RNF157: variants seen among roughly 807,000 people sequenced by gnomAD.
RNF157 encodes the protein ring finger protein 157.
A neutral mutation model predicts 88.3 loss-of-function variants in RNF157; 55 were observed. The observed-to-expected ratio is 0.62, with a 90% CI of 0.50 to 0.78. RNF157 has a LOEUF of 0.78. RNF157 is among the 30% of genes least tolerant of loss of function. The pLI, the probability that RNF157 is intolerant of heterozygous loss-of-function variation, is 0.00. For missense variants in RNF157, 788 were observed against 860.8 expected, an observed-to-expected ratio of 0.92 and a Z score of 1.06; for synonymous variants, 334 against 341.2, an observed-to-expected ratio of 0.98 and a Z score of 0.23.
At chr17:76,171,682 A>G (rs1324707858) in intron 3 of RNF157, among the ~76,000 whole-genome samples, 1 of 152,204 alleles carries the variant, frequency 6.6e-6, no homozygotes, top group Non-Finnish European at 1.5e-5. Flanking sequence ...CCCTTCTGTT[A>G]CCTTAATTTT....
At position 76,158,377 on chromosome 17, in the gene RNF157, G is replaced by C. The variant is rs542067859; in HGVS notation, c.1413+16C>G. The C allele has an allele frequency of 2.6e-6, 4 of 1,558,338 alleles. No homozygotes were observed. In the East Asian group the frequency reaches 6.7e-5, roughly 26 times the overall value. ...TGGAGTACAACACCCAAGAAGAGGA[G>C]AGGAATGTCAATTACCTCTCCGAGA... is the stretch of plus-strand genomic sequence containing the variant. On this transcript the variant is annotated intron_variant, in intron 13 of 18. Coordinates refer to ENST00000269391, the MANE Select transcript of RNF157 (RefSeq NM_052916.3).
At chr17:76,207,617 C>T (rs895081790) in intron 2 of RNF157, among the ~76,000 whole-genome samples, 3 of 152,230 alleles carry the variant, frequency 2.0e-5, no homozygotes, top group African/African-American at 7.2e-5. Context: ...TGCCCATATT[C>T]ACTCTCTCTG....
Position 76,156,283 on chromosome 17 carries a change from C to T in RNF157, c.1452G>A (p.Leu484=). The T allele has an allele frequency of 6.2e-7, 1 of 1,614,102 alleles. No individual in the cohort carries two copies. Among genetic ancestry groups the T allele is most frequent in the Admixed American group, 1.7e-5 (1 of 60,014 alleles). ...ACTGGTCAATAGCTCCAGATGACGACAAGGTGAGATTCTCACTTTCTGGAG... is the reference window on the plus strand; with the variant it reads ...ACTGGTCAATAGCTCCAGATGACGATAAGGTGAGATTCTCACTTTCTGGAG... ...GVTPESENLT[L]SSSGAIDQSS... The change falls in exon 14 of 19, where the codon TTG becomes TTA. Residue 484 remains leucine (L), a synonymous_variant. Coordinates refer to ENST00000269391, the MANE Select transcript of RNF157 (RefSeq NM_052916.3).
At position 76,159,383 on chromosome 17, in the gene RNF157, A is replaced by T; in HGVS notation, c.1256T>A (p.Leu419Gln). Residue 419 changes from leucine (L) to glutamine (Q), a missense_variant, in exon 12 of 19, where the codon CTG becomes CAG. Leu to Gln is a moderately radical substitution (Grantham distance 113, BLOSUM62 -2). Transcript: ENST00000269391. ...PVRTISPLDR[L>Q]SDSSSQGLKL... ...GAGTCCCTGACTGCTGCTGTCAGAC[A>T]GGCGGTCAAGAGGCGAGATCGTCCT... is the stretch of plus-strand genomic sequence containing the variant. 2 of 1,613,278 alleles carry T rather than the reference A, an allele frequency of 1.2e-6. No homozygotes were observed. The highest frequency in any genetic ancestry group is 1.7e-6 in the Non-Finnish European group (2 of 1,179,752).
intron 1 of RNF157, among the ~76,000 whole-genome samples, chr17:76,231,763 C>A (rs1379299349): frequency 6.6e-6 from 1 of 152,134 alleles, no homozygotes; most frequent in East Asian, 1.9e-4. Context: ...TTTTTAAGAG[C>A]TTTATTGAAG....
At chr17:76,203,290 C>T (rs1038226637) in intron 2 of RNF157, among the ~76,000 whole-genome samples, 6 of 152,152 alleles carry the variant, frequency 3.9e-5, no homozygotes, top group African/African-American at 1.4e-4. Flanking sequence ...CAGGTCCCGC[C>T]ATCATTTTTT....
rs191608780 is a variant in RNF157, at chr17:76,179,297, C to T, written c.208-5507G>A. On this transcript the variant is annotated intron_variant, in intron 2 of 18. Coordinates refer to ENST00000269391, the MANE Select transcript of RNF157 (RefSeq NM_052916.3). ...TAGTCCCAGCTACTCAGAAGGCTGA[C>T]GCAAGAGGATCACTTGAGCCCAGGA... Among the ~76,000 whole-genome samples, 1,076 of 151,528 alleles carry T rather than the reference C, an allele frequency of 7.1e-3. 10 individuals carry two copies. The highest frequency in any genetic ancestry group is 0.02 in the African/African-American group (844 of 41,288).
chr17:76,147,407 C>T, intron 18 of RNF157: 1 of 890,276 alleles, frequency 1.1e-6, no homozygotes. Context: ...ACCACCGCCG[C>T]CGCCACCACC....
intron 1 of RNF157, chr17:76,225,926 C>A: frequency 6.2e-7 from 1 of 1,613,126 alleles, no homozygotes; most frequent in Non-Finnish European, 8.5e-7. Flanking sequence ...CTGGCGGTAC[C>A]TAGTGGCTGC....
At position 76,162,641 on chromosome 17, in the gene RNF157, A is replaced by G. The variant is rs750024712; in HGVS notation, c.721-18T>C. Reference sequence around the variant, plus strand: ...CCGTCTACCTGAACAGCAAACAGAAAGGTTCAAGGACAGGCTGTCTCTACT... The same window carrying G: ...CCGTCTACCTGAACAGCAAACAGAAGGGTTCAAGGACAGGCTGTCTCTACT... On this transcript the variant is annotated intron_variant, in intron 8 of 18. Transcript: ENST00000269391. 3 of 1,598,106 alleles carry G rather than the reference A, an allele frequency of 1.9e-6. No homozygotes were observed. The highest frequency in any genetic ancestry group is 2.6e-6 in the Non-Finnish European group (3 of 1,168,400).
chr17:76,200,515 C>G (rs936092671), intron 2 of RNF157, among the ~76,000 whole-genome samples: 8 of 152,106 alleles, frequency 5.3e-5, no homozygotes, highest in African/African-American at 1.9e-4. Context: ...CTAGAGTAGT[C>G]AAACTCATAG....
chr17:76,174,768 T>C (rs1349016795), intron 2 of RNF157, among the ~76,000 whole-genome samples: 2 of 152,238 alleles, frequency 1.3e-5, no homozygotes, highest in Non-Finnish European at 2.9e-5. Flanking sequence ...AGTTAAACCA[T>C]AGTTAAGGTG....
In RNF157 at chr17:76,146,512, T is replaced by C; in HGVS notation, c.1922-1159A>G. On this transcript the variant is annotated intron_variant, in intron 18 of 18. Transcript: ENST00000269391. This position sits in a 1 kb window ranked among gnomAD's most constrained non-coding sequence, Gnocchi z 4.2. ...GCCTCGGCTGCCTCCACTCTCAGGG[T>C]CCCCTGGCTCCCTGGGGTAGGGAAG... 2 of 985,332 alleles carry C rather than the reference T, an allele frequency of 2.0e-6. No individual in the cohort carries two copies. Among genetic ancestry groups the C allele is most frequent in the Non-Finnish European group, 2.4e-6 (2 of 829,890 alleles). 61.0% of individuals were successfully genotyped at this position (985,332 alleles called of 1,614,324 possible). A position where few individuals can be genotyped will look rare whatever the true frequency, so the allele number is the denominator to read the frequency against.
intron 15 of RNF157, 84 bp from the exon 16 acceptor site, chr17:76,155,401 G>A (rs1020796079): frequency 1.3e-6 from 2 of 1,490,412 alleles, no homozygotes; most frequent in Non-Finnish European, 1.9e-6. Flanking sequence ...CAAAATTGGT[G>A]TCAAATAGGA....
intron 7 of RNF157, 93 bp from the exon 8 acceptor site, chr17:76,164,888 C>T (rs933116612): frequency 1.2e-6 from 1 of 810,670 alleles, no homozygotes; most frequent in Non-Finnish European, 2.0e-6. Context: ...AGTCGCCCTC[C>T]CTGATCTGCA....
chr17:76,226,906 C>T (rs2070098650), intron 1 of RNF157: 2 of 993,948 alleles, frequency 2.0e-6, no homozygotes, highest in Non-Finnish European at 1.5e-6. Context: ...AGCGCCATGG[C>T]TTAAGCCGCT....
intron 1 of RNF157, among the ~76,000 whole-genome samples, chr17:76,237,361 G>C (rs184901134): frequency 6.6e-6 from 1 of 152,172 alleles, no homozygotes; most frequent in Non-Finnish European, 1.5e-5. Flanking sequence ...GCTTTCCAGC[G>C]AGCCAGATAG....
intron 2 of RNF157, among the ~76,000 whole-genome samples, chr17:76,200,659 C>T (rs750434482): frequency 6.6e-5 from 10 of 152,150 alleles, no homozygotes; most frequent in African/African-American, 9.7e-5. Flanking sequence ...GTGTGATGAG[C>T]AGGGTGGTCA....
chr17:76,145,466 T>C, intron 18 of RNF157, 113 bp from the exon 19 acceptor site: 2 of 700,780 alleles, frequency 2.9e-6, no homozygotes. Context: ...GCGTGTCACC[T>C]GAGACTCCGA....
Sources: allele counts gnomAD v4.1 joint callset (sites outside exome capture counted in the v4.1 genomes callset), GRCh38; gene constraint gnomAD v4.1.1; non-coding constraint Gnocchi (gnomAD v3.1); transcripts MANE v1.5; gene names NCBI Gene and HGNC (gene_info 2026-07-23, HGNC 2026-07-21).